Variants in PRKCH observed in about 807,000 individuals in gnomAD.
PRKCH encodes the protein protein kinase C eta.
PRKCH carries 28 observed loss-of-function variants against 82.5 expected under a neutral mutation model. The ratio of observed to expected loss-of-function variants is 0.34; its 90% confidence interval spans 0.25 to 0.47. PRKCH has a LOEUF of 0.47. Among genes scored for constraint, PRKCH ranks in the 20% least tolerant of loss-of-function variants. PRKCH has a pLI of 1.00. For missense variants in PRKCH, 705 were observed against 881.8 expected (o/e 0.80, Z 2.54); for synonymous variants, 322 against 327.4 (o/e 0.98, Z 0.18).
chr14:61,420,635 T>C (rs1325369573), intron 2 of PRKCH, among the ~76,000 whole-genome samples: 1 of 151,868 alleles, frequency 6.6e-6, no homozygotes. Context: ...TGAAGATCTC[T>C]GGGCACATAC....
chr14:61,335,591 C>T (rs943257185), intron 1 of PRKCH, among the ~76,000 whole-genome samples: 3 of 152,152 alleles, frequency 2.0e-5, no homozygotes, highest in Admixed American at 2.0e-4. Flanking sequence ...CCACAACCCC[C>T]CCATCTGCCA....
chr14:61,218,792 C>T (rs903818427), intron 1 of PRKCH, among the ~76,000 whole-genome samples: 4 of 152,182 alleles, frequency 2.6e-5, no homozygotes, highest in Non-Finnish European at 5.9e-5. Flanking sequence ...TTCTCCAGTG[C>T]TCCCCCGATG....
chr14:61,362,009 C>T (rs1026650754), intron 1 of PRKCH, among the ~76,000 whole-genome samples: 1 of 152,084 alleles, frequency 6.6e-6, no homozygotes, highest in Non-Finnish European at 1.5e-5. Context: ...GTTTTAATAG[C>T]AAATTCCTTT....
intron 1 of PRKCH, among the ~76,000 whole-genome samples, chr14:61,218,822 C>T (rs1276012890): frequency 1.3e-5 from 2 of 152,230 alleles, no homozygotes; most frequent in East Asian, 3.9e-4. Flanking sequence ...TCTTCACCCC[C>T]CACCTAACTG....
chr14:61,259,742 G>A (rs1453442755), intron 1 of PRKCH, among the ~76,000 whole-genome samples: 1 of 151,786 alleles, frequency 6.6e-6, no homozygotes, highest in African/African-American at 2.4e-5. Flanking sequence ...TTTCCTGCTT[G>A]GATTTCTAAC....
intron 1 of PRKCH, among the ~76,000 whole-genome samples, chr14:61,312,135 A>AT (rs2140110517): frequency 6.6e-6 from 1 of 152,324 alleles, no homozygotes; most frequent in South Asian, 2.1e-4. Context: ...ACATAGTGGG[A>AT]TTTTATTAAA....
intron 9 of PRKCH, among the ~76,000 whole-genome samples, chr14:61,484,784 GGAA>G (rs1886135418): frequency 5.6e-5 from 3 of 53,468 alleles, no homozygotes; most frequent in Non-Finnish European, 1.0e-4. Flanking sequence ...TTTTTTTTTT[GGAA>G]GAAGGAGTCT....
chr14:61,251,616 A>G (rs578096046), intron 1 of PRKCH, among the ~76,000 whole-genome samples: 1 of 152,318 alleles, frequency 6.6e-6, no homozygotes, highest in East Asian at 1.9e-4. Context: ...ATGGACACTC[A>G]GGTTGCTTCC....
chr14:61,255,324 T>C (rs79826476), intron 1 of PRKCH, among the ~76,000 whole-genome samples: 7,454 of 152,290 alleles, frequency 0.049, 251 homozygotes, highest in Non-Finnish European at 0.075. Flanking sequence ...TTTGGCCATA[T>C]CTCAGCAGGG....
intron 10 of PRKCH, among the ~76,000 whole-genome samples, chr14:61,498,543 A>G (rs1255470607): frequency 2.0e-5 from 3 of 152,162 alleles, no homozygotes; most frequent in African/African-American, 7.2e-5. Flanking sequence ...GGATTCCTTG[A>G]ACAGAAATGT....
intron 10 of PRKCH, among the ~76,000 whole-genome samples, chr14:61,508,725 C>T (rs1887256258): frequency 6.6e-6 from 1 of 151,946 alleles, no homozygotes; most frequent in Non-Finnish European, 1.5e-5. Flanking sequence ...TTGGATGTCC[C>T]AATATCACAT....
upstream of PRKCH, among the ~76,000 whole-genome samples, chr14:61,318,159 A>G (rs1192590462): frequency 6.6e-6 from 1 of 151,564 alleles, no homozygotes; most frequent in East Asian, 2.0e-4. Flanking sequence ...CTACAGTCTC[A>G]ACCTCCCAGG....
intron 1 of PRKCH, among the ~76,000 whole-genome samples, chr14:61,329,234 C>CTTTTTTTTTTTTTTTTTTTTT (rs71117812): frequency 3.2e-5 from 2 of 63,468 alleles, no homozygotes; most frequent in African/African-American, 1.4e-4. Context: ...ACTCCTGAGT[C>CTTTTTTTTTTTTTTTTTTTTT]TTTTTTTTTT....
At chr14:61,211,908 C>T (rs2044584488) in intron 1 of PRKCH, among the ~76,000 whole-genome samples, 1 of 152,158 alleles carries the variant, frequency 6.6e-6, no homozygotes, top group Non-Finnish European at 1.5e-5. Flanking sequence ...GCCAAGAGGG[C>T]AGTTATTATA....
At chr14:61,356,477 C>T (rs748033542) in intron 1 of PRKCH, among the ~76,000 whole-genome samples, 16 of 151,992 alleles carry the variant, frequency 1.1e-4, no homozygotes, top group Non-Finnish European at 1.8e-4. Flanking sequence ...GCCAACAGAC[C>T]GACATATTTT....
intron 1 of PRKCH, among the ~76,000 whole-genome samples, chr14:61,263,946 C>A (rs999249201): frequency 6.7e-6 from 1 of 149,724 alleles, no homozygotes; most frequent in Admixed American, 6.7e-5. Flanking sequence ...TGTCTAAGAA[C>A]AACATCCTTA....
intron 1 of PRKCH, among the ~76,000 whole-genome samples, chr14:61,354,756 C>G (rs1411971680): frequency 6.6e-6 from 1 of 152,156 alleles, no homozygotes; most frequent in Non-Finnish European, 1.5e-5. Context: ...TTAGGCTTTT[C>G]TGTACTTTTT....
chr14:61,293,820 C>G (rs2045383827), intron 1 of PRKCH, among the ~76,000 whole-genome samples: 1 of 152,146 alleles, frequency 6.6e-6, no homozygotes, highest in Non-Finnish European at 1.5e-5. Context: ...CAGTACTTCT[C>G]CAAGGAAAAT....
At position 61,322,333 on chromosome 14, in the gene PRKCH, G is replaced by A. The variant is rs1417926976; in HGVS notation, c.232G>A (p.Asp78Asn). The A allele has an allele frequency of 6.2e-7, 1 of 1,613,344 alleles. No individual in the cohort carries two copies. The highest frequency in any genetic ancestry group is 2.2e-5 in the East Asian group (1 of 44,758). ...YNEEFCANVT[D>N]GGHLELAVFH... ...CGAGGAGTTTTGCGCTAACGTCACCGACGGCGGCCACCTCGAGTTGGCCGT... is the reference window on the plus strand; with the variant it reads ...CGAGGAGTTTTGCGCTAACGTCACCAACGGCGGCCACCTCGAGTTGGCCGT... The change falls in exon 1 of 14, where the codon GAC becomes AAC. Residue 78 changes from aspartate to asparagine, a missense_variant. Asp to Asn is a conservative substitution (Grantham distance 23, BLOSUM62 1). Coordinates refer to ENST00000332981, the MANE Select transcript of PRKCH (RefSeq NM_006255.5).
Sources: allele counts gnomAD v4.1 joint callset (sites outside exome capture counted in the v4.1 genomes callset), GRCh38; gene constraint gnomAD v4.1.1; transcripts MANE v1.5; gene names NCBI Gene and HGNC (gene_info 2026-07-23, HGNC 2026-07-21).